Variants in ERGIC2 observed in about 807,000 individuals in gnomAD.
The protein encoded by ERGIC2 is endoplasmic reticulum-Golgi intermediate compartment protein 2.
Under a neutral mutation model 52.5 loss-of-function variants are expected in ERGIC2, and 31 were observed. The observed-to-expected ratio is 0.59, with a 90% CI of 0.44 to 0.80. The LOEUF (loss-of-function observed/expected upper bound fraction) is 0.80, where lower values mean the gene tolerates loss of function less well. Among genes scored for constraint, ERGIC2 ranks in the 30% least tolerant of loss-of-function variants. The pLI is 0.00. For missense variants in ERGIC2, 395 were observed against 455.2 expected (o/e 0.87, Z 1.20); for synonymous variants, 129 against 140.6 (o/e 0.92, Z 0.58).
intron 6 of ERGIC2, among the ~76,000 whole-genome samples, chr12:29,358,759 A>G (rs571838574): frequency 9.2e-5 from 14 of 152,150 alleles, no homozygotes; most frequent in Non-Finnish European, 2.9e-5. Flanking sequence ...TGTGAATCTC[A>G]TAATACTTTA....
intron 3 of ERGIC2, among the ~76,000 whole-genome samples, chr12:29,368,580 A>C (rs1940396198): frequency 1.3e-5 from 2 of 151,892 alleles, no homozygotes; most frequent in Non-Finnish European, 2.9e-5. Context: ...TTAACCTCTT[A>C]ATCTCTATTT....
chr12:29,359,174 G>A (rs1255063389), intron 6 of ERGIC2, among the ~76,000 whole-genome samples: 3 of 151,752 alleles, frequency 2.0e-5, no homozygotes, highest in Admixed American at 6.6e-5. Context: ...GAATCAGAAC[G>A]TGATAATCTA....
chr12:29,378,512 A>C (rs1286571477), intron 1 of ERGIC2, among the ~76,000 whole-genome samples: 1 of 152,138 alleles, frequency 6.6e-6, no homozygotes, highest in Admixed American at 6.5e-5. Flanking sequence ...ATTTTAAATT[A>C]CTTGATTATA....
chr12:29,377,977 C>G (rs940300916), intron 1 of ERGIC2, among the ~76,000 whole-genome samples: 1 of 152,102 alleles, frequency 6.6e-6, no homozygotes, highest in Non-Finnish European at 1.5e-5. Flanking sequence ...ATACATATGG[C>G]CAAGTTGCAG....
At chr12:29,347,756 G>A (rs1242483570) in intron 10 of ERGIC2, among the ~76,000 whole-genome samples, 1 of 151,912 alleles carries the variant, frequency 6.6e-6, no homozygotes, top group Non-Finnish European at 1.5e-5. Flanking sequence ...AAAAGAGGCT[G>A]AAAAAAACAT....
rs563411442 is a variant in ERGIC2, at chr12:29,345,453, A to G, written c.815T>C (p.Val272Ala). 1.3e-6 allele frequency: 2 copies of G among 1,573,534 alleles called. No individual in the cohort carries two copies. The highest frequency in any genetic ancestry group is 2.2e-5 in the South Asian group (2 of 89,434). ...TTGGATTCAACTTACCCTTTCTGTC[A>G]CAGAAAACTGATGGGTGTCTGCTGA... ...KISADTHQFSVTERERIINHA... is the reference protein window; with the variant it reads ...KISADTHQFSATERERIINHA... Residue 272 changes from valine (V) to alanine (A), a missense_variant, in exon 11 of 14, where the codon GTG (valine) becomes GCG (alanine). Coordinates refer to ENST00000360150, the MANE Select transcript of ERGIC2 (RefSeq NM_016570.3).
In ERGIC2 at chr12:29,377,653, G is replaced by C. The variant is rs528201541; in HGVS notation, c.-38+3462C>G. ...ATGCAGAATCCACAGATATGGAGGG[G>C]TGACTGTATTTTGAAAAACTTCCTA... On this transcript the variant is annotated intron_variant, in intron 1 of 13. Coordinates refer to ENST00000360150, the MANE Select transcript of ERGIC2 (RefSeq NM_016570.3). Among the ~76,000 whole-genome samples the C allele has an allele frequency of 7.9e-4, 120 of 152,276 alleles. 1 individual carries two copies. The highest frequency in any genetic ancestry group is 1.5e-3 in the Non-Finnish European group (103 of 68,000).
chr12:29,338,577 G>A lies in ERGIC2; in HGVS notation c.*2579C>T, dbSNP rs1949814133. ...GAGGATTGCTTGAACCCAGGAGTTC[G>A]AGGATGCAGTGAGTTACAATCATGC... On this transcript the variant is annotated 3_prime_UTR_variant, in exon 14 of 14. Transcript: ENST00000360150. 2 of 152,046 alleles carry A rather than the reference G, an allele frequency of 1.3e-5. No homozygotes were observed. The highest frequency in any genetic ancestry group is 2.1e-4 in the South Asian group (1 of 4,822). 9.4% of individuals were successfully genotyped at this position (152,046 alleles called of 1,614,324 possible).
chr12:29,369,184 A>G (rs971024140), intron 3 of ERGIC2, among the ~76,000 whole-genome samples: 2 of 151,986 alleles, frequency 1.3e-5, no homozygotes, highest in African/African-American at 4.8e-5. Context: ...GGAGTAGGCC[A>G]AGTAGACAAA....
intron 10 of ERGIC2, among the ~76,000 whole-genome samples, chr12:29,346,553 G>T (rs752681700): frequency 6.6e-6 from 1 of 151,984 alleles, no homozygotes; most frequent in Non-Finnish European, 1.5e-5. Context: ...ACCACCACAA[G>T]ACATATTTTC....
At chr12:29,366,179 C>T (rs1397817860) in intron 5 of ERGIC2, among the ~76,000 whole-genome samples, 2 of 151,882 alleles carry the variant, frequency 1.3e-5, no homozygotes, top group Non-Finnish European at 2.9e-5. Flanking sequence ...ACCACCATGC[C>T]AACAGAGCAA....
At chr12:29,344,937 G>A (rs1209221105) in intron 11 of ERGIC2, among the ~76,000 whole-genome samples, 2 of 152,056 alleles carry the variant, frequency 1.3e-5, no homozygotes, top group Non-Finnish European at 1.5e-5. Context: ...ACCACCCTGA[G>A]GTAGTGGAAT....
chr12:29,371,788 A>T, intron 1 of ERGIC2, 118 bp from the exon 2 acceptor site: 1 of 561,920 alleles, frequency 1.8e-6, no homozygotes, highest in Non-Finnish European at 3.1e-6. Flanking sequence ...ATCCCCCCTT[A>T]AAAATAAAAA....
intron 8 of ERGIC2, among the ~76,000 whole-genome samples, chr12:29,354,172 T>C (rs548975057): frequency 1.3e-5 from 2 of 152,338 alleles, no homozygotes; most frequent in East Asian, 1.9e-4. Context: ...CTCATGTACA[T>C]GAAAAGCCTA....
chr12:29,343,375 C>A lies in ERGIC2; in HGVS notation c.826-93G>T. The A allele has an allele frequency of 3.2e-6, 3 of 923,136 alleles. 1 individual carries two copies. The highest frequency in any genetic ancestry group is 2.7e-4 in the Middle Eastern group (1 of 3,692). 57.2% of individuals were successfully genotyped at this position (923,136 alleles called of 1,614,324 possible). ...TACTTACATACATTCAATATTAAGC[C>A]CTGAAGCCCTACTGTAAAAGAAGGA... On this transcript the variant is annotated intron_variant, in intron 11 of 13. Coordinates refer to ENST00000360150, the MANE Select transcript of ERGIC2 (RefSeq NM_016570.3).
chr12:29,343,033 C>G (rs1278762513), intron 12 of ERGIC2, 87 bp downstream of exon 12: 1 of 1,115,932 alleles, frequency 9.0e-7, no homozygotes, highest in African/African-American at 1.6e-5. Context: ...ACATGAAAAT[C>G]TGTATACTTC....
In ERGIC2 at chr12:29,349,089, A is replaced by T. The variant is rs1940096599; in HGVS notation, c.717T>A (p.Ile239=). ...TTATTAAATACTTACGATCTATAGC[A>T]ATTTTTTCAGTTCCATCTAAAGGAT... ...IINPLDGTEK[I]AIDHNQMFQY... is the part of the protein sequence containing the mutation. Residue 239 remains isoleucine (I), a synonymous_variant, in exon 10 of 14, where the codon ATT becomes ATA. Transcript: ENST00000360150. 1 of 1,517,824 alleles carries T rather than the reference A, an allele frequency of 6.6e-7. No homozygotes were observed. Among genetic ancestry groups the T allele is most frequent in the Admixed American group, 2.0e-5 (1 of 48,842 alleles). 94.0% of individuals were successfully genotyped at this position (1,517,824 alleles called of 1,614,324 possible). A position where few individuals can be genotyped will look rare whatever the true frequency, so the allele number is the denominator to read the frequency against.
At chr12:29,373,623 G>C (rs1301926336) in intron 1 of ERGIC2, among the ~76,000 whole-genome samples, 3 of 152,124 alleles carry the variant, frequency 2.0e-5, no homozygotes. Context: ...GTCCAGCAGG[G>C]AGCTACTACT....
At chr12:29,380,890 G>C (rs961541600) in intron 1 of ERGIC2, 1 of 152,182 alleles carries the variant, frequency 6.6e-6, no homozygotes, top group Non-Finnish European at 1.5e-5. Context: ...ACAAGCACCC[G>C]GACCTGGCAA....
Sources: allele counts gnomAD v4.1 joint callset (sites outside exome capture counted in the v4.1 genomes callset), GRCh38; gene constraint gnomAD v4.1.1; transcripts MANE v1.5; gene names NCBI Gene and HGNC (gene_info 2026-07-23, HGNC 2026-07-21).